MTCL2: variants seen among roughly 807,000 people sequenced by gnomAD.
MTCL2 encodes the protein microtubule cross-linking factor 2.
At chr20:36,845,010 C>CAAA in the MTCL2 span, among the ~76,000 whole-genome samples, 25 of 127,056 alleles carry the variant, frequency 2.0e-4, no homozygotes, top group African/African-American at 5.8e-4. Flanking sequence ...GATTCTGTCT[C>CAAA]AAAAAAAAAA....
the MTCL2 span, chr20:36,812,570 G>A: frequency 8.4e-7 from 1 of 1,190,942 alleles, no homozygotes; most frequent in Non-Finnish European, 1.1e-6. Flanking sequence ...TGGCTGCCAA[G>A]AAGCCTGGAA....
chr20:36,834,393 C>A, the MTCL2 span, among the ~76,000 whole-genome samples: 1 of 152,102 alleles, frequency 6.6e-6, no homozygotes, highest in African/African-American at 2.4e-5. Flanking sequence ...AGGAAGGGGG[C>A]GTGCTCCTGG....
At chr20:36,836,365 T>G in the MTCL2 span, among the ~76,000 whole-genome samples, 3 of 144,928 alleles carry the variant, frequency 2.1e-5, no homozygotes, top group African/African-American at 7.7e-5. Context: ...TTTTTTTTTT[T>G]TTGAGACAGA....
the MTCL2 span, among the ~76,000 whole-genome samples, chr20:36,861,723 C>T: frequency 6.6e-6 from 1 of 152,140 alleles, no homozygotes; most frequent in Non-Finnish European, 1.5e-5. Context: ...AGCTTCCAGC[C>T]TCCCAGGGAG....
the MTCL2 span, chr20:36,816,349 T>C: frequency 6.6e-7 from 1 of 1,505,000 alleles, no homozygotes; most frequent in Non-Finnish European, 8.9e-7. Flanking sequence ...AGGTTAGTGC[T>C]GGGAGTCTCA....
At chr20:36,818,168 G>A in the MTCL2 span, among the ~76,000 whole-genome samples, 1 of 152,238 alleles carries the variant, frequency 6.6e-6, no homozygotes, top group Non-Finnish European at 1.5e-5. Flanking sequence ...TGTTCCCAAG[G>A]AGACTCTTCC....
chr20:36,813,901 C>T, the MTCL2 span, among the ~76,000 whole-genome samples: 3 of 152,100 alleles, frequency 2.0e-5, no homozygotes, highest in Non-Finnish European at 2.9e-5. Context: ...TTCACATTGT[C>T]TCTTCACTCA....
At chr20:36,804,030 G>A in the MTCL2 span, among the ~76,000 whole-genome samples, 1 of 151,654 alleles carries the variant, frequency 6.6e-6, no homozygotes, top group Non-Finnish European at 1.5e-5. Flanking sequence ...GTTTGGGGGA[G>A]CAAGGGCCAG....
chr20:36,827,022 CTTTATTTA>C, the MTCL2 span, among the ~76,000 whole-genome samples: 118 of 144,306 alleles, frequency 8.2e-4, no homozygotes, highest in African/African-American at 1.7e-3. Context: ...TATCATCCTG[CTTTATTTA>C]TTTATTTATT....
the MTCL2 span, among the ~76,000 whole-genome samples, chr20:36,858,860 G>A: frequency 4.6e-5 from 7 of 152,148 alleles, no homozygotes; most frequent in South Asian, 8.3e-4. Context: ...GCGCCATCTC[G>A]GATCACTGCA....
chr20:36,851,438 C>T, the MTCL2 span, among the ~76,000 whole-genome samples: 2 of 152,202 alleles, frequency 1.3e-5, no homozygotes, highest in South Asian at 4.1e-4. Flanking sequence ...TCTTCATCTC[C>T]CTCGACGCCT....
At chr20:36,797,152 T>C in the MTCL2 span, among the ~76,000 whole-genome samples, 1 of 152,032 alleles carries the variant, frequency 6.6e-6, no homozygotes, top group Non-Finnish European at 1.5e-5. Context: ...GCTGGGCCAA[T>C]CAGAGCTCCA....
chr20:36,844,709 T>C, the MTCL2 span, among the ~76,000 whole-genome samples: 1 of 144,478 alleles, frequency 6.9e-6, no homozygotes, highest in Non-Finnish European at 1.5e-5. Context: ...AACATGATCA[T>C]AGAGACAGTT....
At chr20:36,838,934 A>G in the MTCL2 span, among the ~76,000 whole-genome samples, 106 of 152,084 alleles carry the variant, frequency 7.0e-4, no homozygotes, top group African/African-American at 2.3e-3. Context: ...GCGCCATTGC[A>G]TTCCAGCCTG....
chr20:36,842,441 T>C, the MTCL2 span, among the ~76,000 whole-genome samples: 1 of 152,216 alleles, frequency 6.6e-6, no homozygotes, highest in Non-Finnish European at 1.5e-5. Flanking sequence ...TACCTACTCT[T>C]AATGTGACCG....
the MTCL2 span, chr20:36,839,206 C>A: frequency 6.3e-7 from 1 of 1,583,874 alleles, no homozygotes; most frequent in Non-Finnish European, 8.6e-7. This position sits in a 1 kb window ranked among gnomAD's most constrained non-coding sequence, Gnocchi z 5.1. Flanking sequence ...GGCACCCGAG[C>A]CCAGGCTGAC....
the MTCL2 span, among the ~76,000 whole-genome samples, chr20:36,799,213 G>A: frequency 1.2e-4 from 18 of 151,870 alleles, no homozygotes; most frequent in East Asian, 1.4e-3. Context: ...AAAAGTTGCC[G>A]GGCACGGTGG....
At chr20:36,848,167 G>A in the MTCL2 span, among the ~76,000 whole-genome samples, 4 of 152,098 alleles carry the variant, frequency 2.6e-5, no homozygotes, top group African/African-American at 4.8e-5. Context: ...AAATGAGAGA[G>A]GGAGAGCCTG....
the MTCL2 span, chr20:36,793,590 C>G: frequency 1.3e-6 from 2 of 1,551,690 alleles, no homozygotes; most frequent in Non-Finnish European, 1.7e-6. The surrounding 1 kb of genome is among the most constrained non-coding windows in gnomAD (Gnocchi z 6.8). Context: ...TGCTCCACCA[C>G]ACTGAAGAGG....
Sources: gnomAD v4.1 joint callset for allele counts (sites outside exome capture counted in the v4.1 genomes callset) on GRCh38, gnomAD v4.1.1 for gene constraint, Gnocchi (gnomAD v3.1) non-coding constraint, MANE v1.5 for transcripts, NCBI Gene and HGNC (gene_info 2026-07-23, HGNC 2026-07-21) for gene names.